MAPK10: variants seen among roughly 807,000 people sequenced by gnomAD.
MAPK10 encodes JNK3 alpha protein kinase.
In MAPK10, 25 loss-of-function variants were observed where a neutral mutation model predicts 59.3. The ratio of observed to expected loss-of-function variants is 0.42; its 90% CI spans 0.31 to 0.59. MAPK10 has a LOEUF of 0.59. Ranked by LOEUF, MAPK10 falls within the 20% of genes least tolerant of loss-of-function variation. The pLI is 0.15. For synonymous variants in MAPK10, 190 were observed against 200.5 expected (o/e 0.95, Z 0.44); for missense variants, 351 against 568.9 (o/e 0.62, Z 3.90).
intron 2 of MAPK10, among the ~76,000 whole-genome samples, chr4:86,336,965 A>G (rs902328506): frequency 6.6e-6 from 1 of 151,374 alleles, no homozygotes; most frequent in Non-Finnish European, 1.5e-5. Flanking sequence ...AATTTTTTGT[A>G]TTTTTAGTAG....
At chr4:86,590,692 A>C (rs1578199889) in intron 1 of MAPK10, among the ~76,000 whole-genome samples, 1 of 152,122 alleles carries the variant, frequency 6.6e-6, no homozygotes, top group African/African-American at 2.4e-5. Context: ...AGGCTGAGGC[A>C]GGAGGATAGC....
At chr4:86,108,094 TAAG>T (rs1322369231) in intron 4 of MAPK10, among the ~76,000 whole-genome samples, 2 of 151,934 alleles carry the variant, frequency 1.3e-5, no homozygotes, top group Admixed American at 6.6e-5. Context: ...AAGCTCAAAA[TAAG>T]AAATGCAATC....
intron 1 of MAPK10, among the ~76,000 whole-genome samples, chr4:86,530,235 A>G (rs1451841873): frequency 2.0e-5 from 3 of 152,176 alleles, no homozygotes; most frequent in African/African-American, 2.4e-5. Context: ...TTTAAATGAA[A>G]GGTCAGGATT....
intron 13 of MAPK10, chr4:86,025,273 C>T (rs1264721579): frequency 1.1e-5 from 4 of 375,790 alleles, no homozygotes; most frequent in Non-Finnish European, 1.9e-5. Flanking sequence ...CAGTCCACCA[C>T]TATTAGATGA....
intron 2 of MAPK10, among the ~76,000 whole-genome samples, chr4:86,274,885 T>G (rs1398202118): frequency 6.6e-6 from 1 of 152,022 alleles, no homozygotes; most frequent in Non-Finnish European, 1.5e-5. Context: ...TTAAGCAATT[T>G]TCTCAATTAA....
chr4:86,448,591 T>TA lies in MAPK10; in HGVS notation c.-122+4438_-122+4439insT, dbSNP rs1750330669. On this transcript the variant is annotated intron_variant, in intron 1 of 13. Transcript: ENST00000361569. ...GTTAACTTTATTCCTAGGTATTTCA[T>TA]GTTTTATTACTATTATAAAAGGGCA... Among the ~76,000 whole-genome samples, 13 of 152,292 alleles carry TA rather than the reference T, an allele frequency of 8.5e-5. No individual in the cohort carries two copies. In the South Asian group the frequency reaches 2.7e-3, roughly 32 times the overall value.
intron 9 of MAPK10, among the ~76,000 whole-genome samples, chr4:86,075,497 G>C (rs1329487775): frequency 6.6e-6 from 1 of 152,150 alleles, no homozygotes; most frequent in Non-Finnish European, 1.5e-5. Flanking sequence ...CAGTTTTTCT[G>C]TTCTGTTTTT....
chr4:86,135,379 C>G (rs1426914631), intron 4 of MAPK10, among the ~76,000 whole-genome samples: 2 of 152,220 alleles, frequency 1.3e-5, no homozygotes, highest in African/African-American at 4.8e-5. Context: ...TCCCTGACCC[C>G]TGACCCCCGA....
chr4:86,086,948 T>C (rs979140500), intron 9 of MAPK10, among the ~76,000 whole-genome samples: 2 of 152,132 alleles, frequency 1.3e-5, no homozygotes, highest in African/African-American at 4.8e-5. Context: ...AGAAAATGAT[T>C]CCTATTTGTC....
At chr4:86,452,763 C>T (rs979761532) in intron 1 of MAPK10, among the ~76,000 whole-genome samples, 17 of 152,102 alleles carry the variant, frequency 1.1e-4, no homozygotes, top group Non-Finnish European at 2.9e-5. Flanking sequence ...GGAGGCAGGA[C>T]TGGACTGCAG....
chr4:86,381,309 G>A (rs1027653526), intron 1 of MAPK10, among the ~76,000 whole-genome samples: 3 of 152,090 alleles, frequency 2.0e-5, no homozygotes, highest in Admixed American at 6.6e-5. Context: ...CAAAGGCAAT[G>A]GGAGACACGT....
chr4:86,247,246 A>G (rs2093155391), intron 2 of MAPK10, among the ~76,000 whole-genome samples: 1 of 152,224 alleles, frequency 6.6e-6, no homozygotes, highest in African/African-American at 2.4e-5. Flanking sequence ...TGTTTAAGCC[A>G]GCTTGAATCA....
intron 4 of MAPK10, among the ~76,000 whole-genome samples, chr4:86,118,172 G>A (rs1390577343): frequency 2.6e-5 from 4 of 152,272 alleles, no homozygotes; most frequent in Non-Finnish European, 5.9e-5. Flanking sequence ...AGTGATTACT[G>A]GCAGAAGTTT....
intron 2 of MAPK10, among the ~76,000 whole-genome samples, chr4:86,351,379 T>A (rs1351864432): frequency 7.3e-6 from 1 of 136,266 alleles, no homozygotes; most frequent in Non-Finnish European, 1.6e-5. Flanking sequence ...TATATATATA[T>A]ACAGTGTGTA....
chr4:86,076,210 C>T (rs189577581), intron 9 of MAPK10, among the ~76,000 whole-genome samples: 2,515 of 152,274 alleles, frequency 0.017, 81 homozygotes, highest in African/African-American at 0.058. Context: ...TCCCTGACCC[C>T]TTGTGCTTCC....
chr4:86,159,258 T>A, intron 4 of MAPK10, 40 bp downstream of exon 4: 3 of 1,533,394 alleles, frequency 2.0e-6, no homozygotes, highest in Non-Finnish European at 2.7e-6. Flanking sequence ...TTGCACACGG[T>A]GTGTTCCCTT....
chr4:86,435,933 C>A (rs1410554619), intron 1 of MAPK10, among the ~76,000 whole-genome samples: 1 of 152,190 alleles, frequency 6.6e-6, no homozygotes, highest in Non-Finnish European at 1.5e-5. Flanking sequence ...TAAATCATAT[C>A]AAAGTCAATA....
rs767753335 is a variant in MAPK10 at position 86,107,396 on chromosome 4, C to A, written c.237-44G>T. The A allele has an allele frequency of 1.2e-5, 19 of 1,581,968 alleles. No homozygotes were observed. In the South Asian group the frequency reaches 2.2e-4, roughly 19 times the overall value. ...AACTCAGAATTAAGAACAAAAGATT[C>A]CTTAGAACTCTTGCCTACTTGATTA... On this transcript the variant is annotated intron_variant, in intron 4 of 13. Transcript: ENST00000641462.
At chr4:86,084,080 T>C (rs2051241899) in intron 9 of MAPK10, among the ~76,000 whole-genome samples, 1 of 152,082 alleles carries the variant, frequency 6.6e-6, no homozygotes, top group South Asian at 2.1e-4. Context: ...GGGCCTTGGG[T>C]GAAACTCTGA....
Sources: gnomAD v4.1 joint callset for allele counts (sites outside exome capture counted in the v4.1 genomes callset) on GRCh38, gnomAD v4.1.1 for gene constraint, MANE v1.5 for transcripts, NCBI Gene and HGNC (gene_info 2026-07-23, HGNC 2026-07-21) for gene names.